The following CDC20B variants were observed in gnomAD, a reference collection of about 807,000 sequenced individuals.
CDC20B encodes cell division cycle 20B.
In CDC20B, 58 loss-of-function variants were observed where a neutral mutation model predicts 64.1. The ratio of observed to expected loss-of-function variants is 0.90; its 90% CI spans 0.73 to 1.13. CDC20B has a LOEUF of 1.13. Among genes scored for constraint, CDC20B ranks in the 50% most tolerant of loss-of-function variants. The pLI, the probability that CDC20B is intolerant of heterozygous loss-of-function variation, is 0.00. For synonymous variants in CDC20B, 243 were observed against 230.6 expected, an observed-to-expected ratio of 1.05 and a Z score of -0.49; for missense variants, 597 against 633.0, an observed-to-expected ratio of 0.94 and a Z score of 0.61.
intron 9 of CDC20B, among the ~76,000 whole-genome samples, chr5:55,122,202 AC>A (rs1445350527): frequency 6.6e-6 from 1 of 151,996 alleles, no homozygotes; most frequent in Non-Finnish European, 1.5e-5. Flanking sequence ...TAATTAAATC[AC>A]CTACTTTATT....
chr5:55,164,054 G>T (rs367911795), intron 2 of CDC20B: 2 of 1,563,132 alleles, frequency 1.3e-6, no homozygotes, highest in Non-Finnish European at 1.7e-6. Context: ...GGATATTTTA[G>T]ATTCTTCAAA....
At chr5:55,130,326 A>C (rs1742997844) in intron 6 of CDC20B, among the ~76,000 whole-genome samples, 1 of 152,196 alleles carries the variant, frequency 6.6e-6, no homozygotes, top group Non-Finnish European at 1.5e-5. Flanking sequence ...GAAATTATTC[A>C]ATCTAAAGAA....
chr5:55,125,315 C>A (rs1285195501), intron 8 of CDC20B, among the ~76,000 whole-genome samples: 1 of 152,124 alleles, frequency 6.6e-6, no homozygotes, highest in African/African-American at 2.4e-5. Flanking sequence ...GAAAAATAAG[C>A]TGAGAAGATT....
chr5:55,123,445 A>G (rs1236410095), intron 9 of CDC20B, among the ~76,000 whole-genome samples: 1 of 152,166 alleles, frequency 6.6e-6, no homozygotes, highest in Non-Finnish European at 1.5e-5. Flanking sequence ...TAGCTTTTAT[A>G]ATAAATATTT....
At chr5:55,171,766 C>A (rs2111622128) in intron 2 of CDC20B, among the ~76,000 whole-genome samples, 1 of 152,120 alleles carries the variant, frequency 6.6e-6, no homozygotes, top group Non-Finnish European at 1.5e-5. Context: ...TCATGCCCAG[C>A]TAATTTTTGC....
intron 6 of CDC20B, among the ~76,000 whole-genome samples, chr5:55,129,395 T>G (rs1286972756): frequency 6.6e-6 from 1 of 152,126 alleles, no homozygotes; most frequent in Non-Finnish European, 1.5e-5. Flanking sequence ...GGGGGTAAGT[T>G]TCCCACTTTT....
At chr5:55,145,052 T>C (rs1178897257) in intron 3 of CDC20B, among the ~76,000 whole-genome samples, 1 of 152,216 alleles carries the variant, frequency 6.6e-6, no homozygotes, top group Non-Finnish European at 1.5e-5. Flanking sequence ...CACAATGTCA[T>C]ACTTTTTTAA....
chr5:55,152,960 C>T (rs1200137177), intron 2 of CDC20B, among the ~76,000 whole-genome samples: 2 of 152,134 alleles, frequency 1.3e-5, no homozygotes, highest in African/African-American at 2.4e-5. Context: ...ATTCTCAGGG[C>T]AGGCACGGTG....
chr5:55,117,415 T>C (rs546080082), intron 11 of CDC20B, among the ~76,000 whole-genome samples: 18 of 152,216 alleles, frequency 1.2e-4, no homozygotes, highest in Non-Finnish European at 2.1e-4. Flanking sequence ...ATGTACTACA[T>C]AACTATAACA....
At chr5:55,162,107 A>G (rs948975715) in intron 2 of CDC20B, among the ~76,000 whole-genome samples, 6 of 151,496 alleles carry the variant, frequency 4.0e-5, no homozygotes, top group African/African-American at 1.5e-4. Context: ...AAAAAAAAAA[A>G]AAAAAAGGCC....
At chr5:55,140,094 C>G (rs1257113810) in intron 5 of CDC20B, among the ~76,000 whole-genome samples, 1 of 151,820 alleles carries the variant, frequency 6.6e-6, no homozygotes, top group African/African-American at 2.4e-5. Flanking sequence ...ATGTAAATAC[C>G]AGGAGGACAG....
chr5:55,167,806 G>A (rs545807398), intron 2 of CDC20B, among the ~76,000 whole-genome samples: 4 of 152,194 alleles, frequency 2.6e-5, no homozygotes, highest in Admixed American at 6.5e-5. Context: ...CAAGGCTGCA[G>A]TGAGCCGACA....
intron 2 of CDC20B, among the ~76,000 whole-genome samples, chr5:55,148,063 A>C (rs1743546616): frequency 6.6e-6 from 1 of 152,256 alleles, no homozygotes; most frequent in African/African-American, 2.4e-5. Flanking sequence ...CAGACAATTT[A>C]GATTAAAATC....
At chr5:55,154,404 C>T (rs1021767986) in intron 2 of CDC20B, among the ~76,000 whole-genome samples, 1 of 152,108 alleles carries the variant, frequency 6.6e-6, no homozygotes, top group African/African-American at 2.4e-5. Flanking sequence ...TGTGGCCCAG[C>T]TACTTGGGAG....
intron 2 of CDC20B, among the ~76,000 whole-genome samples, chr5:55,171,097 T>G (rs1744582552): frequency 6.6e-6 from 1 of 152,212 alleles, no homozygotes; most frequent in South Asian, 2.1e-4. Context: ...GCTGATCCCC[T>G]AAGGTCACAA....
rs376152229 is a variant in CDC20B, at chr5:55,114,673, G to C, written c.1460-355C>G. 4.3e-4 allele frequency among the ~76,000 whole-genome samples: 66 copies of C among 152,254 alleles called. No individual in the cohort carries two copies. The highest frequency in any genetic ancestry group is 1.5e-3 in the African/African-American group (64 of 41,552). On this transcript the variant is annotated intron_variant, in intron 11 of 11. Transcript: ENST00000381375. This position sits in a 1 kb window ranked among gnomAD's most constrained non-coding sequence, Gnocchi z 4.1. ...GGCTGTGCTCCCTAGGGAGGCTCTC[G>C]AGGGGATTCCATGCTTTGCAGCTAT...
chr5:55,170,549 A>G, intron 2 of CDC20B: 1 of 534,856 alleles, frequency 1.9e-6, no homozygotes, highest in Non-Finnish European at 3.8e-6. Flanking sequence ...GCAATAAGAC[A>G]GCAGTTGCAT....
intron 9 of CDC20B, among the ~76,000 whole-genome samples, chr5:55,121,318 C>T (rs1411978394): frequency 6.6e-6 from 1 of 152,048 alleles, no homozygotes; most frequent in African/African-American, 2.4e-5. Flanking sequence ...CTGTTGTTTT[C>T]ACCTATTGTA....
chr5:55,126,484 A>AAAAAAAAC (rs1742897448), intron 8 of CDC20B: 1 of 294,996 alleles, frequency 3.4e-6, no homozygotes, highest in East Asian at 1.4e-4. Flanking sequence ...AAAAAAAAAA[A>AAAAAAAAC]AAACAGTCTT....
Sources: allele counts gnomAD v4.1 joint callset (sites outside exome capture counted in the v4.1 genomes callset), GRCh38; gene constraint gnomAD v4.1.1; non-coding constraint Gnocchi (gnomAD v3.1); transcripts MANE v1.5; gene names NCBI Gene and HGNC (gene_info 2026-07-23, HGNC 2026-07-21).